The following ADGRG4 variants were observed in gnomAD, a reference collection of about 807,000 sequenced individuals.
The protein encoded by ADGRG4 is adhesion G protein-coupled receptor G4, also known as G protein-coupled receptor 112.
In ADGRG4, 122 loss-of-function variants were observed where a neutral mutation model predicts 126.2. That is an observed-to-expected ratio of 0.97 (90% CI 0.83 to 1.12). ADGRG4 has a LOEUF of 1.12. Among genes scored for constraint, ADGRG4 ranks in the 50% most tolerant of loss-of-function variants. ADGRG4 has a pLI of 0.00. For missense variants in ADGRG4, 2,481 were observed against 2,251.8 expected, an observed-to-expected ratio of 1.10 and a Z score of -2.06; for synonymous variants, 943 against 838.7, an observed-to-expected ratio of 1.12 and a Z score of -2.15.
At chrX:136,355,996 G>A in intron 8 of ADGRG4, 130 bp from the exon 9 acceptor site, 1 of 385,165 alleles carries the variant, frequency 2.6e-6, no homozygotes. Context: ...TGGAGCCCTA[G>A]CATTATTTGA....
intron 20 of ADGRG4, among the ~76,000 whole-genome samples, chrX:136,399,312 A>G (rs1453374303): frequency 8.9e-6 from 1 of 112,716 alleles, no homozygotes; most frequent in Non-Finnish European, 1.9e-5. Context: ...GCAAAATTTA[A>G]ATCAATAAAT....
intron 14 of ADGRG4, 110 bp from the exon 15 acceptor site, chrX:136,372,786 TATAAAG>T: frequency 1.5e-6 from 1 of 683,306 alleles, no homozygotes; most frequent in Non-Finnish European, 2.3e-6. Flanking sequence ...TCCTAAATGA[TATAAAG>T]ATAGTGATTA....
chrX:136,320,288 T>C (rs183976683), intron 4 of ADGRG4, among the ~76,000 whole-genome samples: 1 of 112,453 alleles, frequency 8.9e-6, no homozygotes, highest in African/African-American at 3.2e-5. Context: ...CTAAAATGAA[T>C]TGATAGAAAT....
chrX:136,368,966 A>C (rs1192449829), intron 13 of ADGRG4, among the ~76,000 whole-genome samples: 3 of 112,377 alleles, frequency 2.7e-5, no homozygotes, highest in Non-Finnish European at 5.6e-5. Context: ...TACTGAGCCC[A>C]CACCACTGGG....
At chrX:136,365,516 A>C (rs2075153396) in intron 13 of ADGRG4, among the ~76,000 whole-genome samples, 1 of 112,130 alleles carries the variant, frequency 8.9e-6, no homozygotes, top group Non-Finnish European at 1.9e-5. Flanking sequence ...ATTATTAAAA[A>C]TCTAGCTGTG....
chrX:136,382,075 C>T (rs1348181146), intron 15 of ADGRG4, among the ~76,000 whole-genome samples: 3 of 111,365 alleles, frequency 2.7e-5, no homozygotes, highest in Non-Finnish European at 5.7e-5. Flanking sequence ...TTCTTCAATC[C>T]AATCAAGTTG....
At position 136,349,522 on chromosome X, in the gene ADGRG4, C is replaced by G. The variant is rs1367888559; in HGVS notation, c.5816C>G (p.Ser1939Ter). The stretch of plus-strand genomic sequence containing the variant: ...TCTAAAGATGTCATGGCAATGTCAT[C>G]AATTCCTATGTCAGGAATTCTTCCT... ...LVSKDVMAMS[S>*]IPMSGILPNH... The change falls in exon 6 of 26, where the codon TCA (serine) becomes TGA (stop). Residue 1939 changes from serine (S) to a stop codon, truncating the protein, a stop_gained. Coordinates refer to ENST00000394143, the MANE Select transcript of ADGRG4 (RefSeq NM_153834.4). LOFTEE classifies it high-confidence loss of function. The G allele has an allele frequency of 4.2e-6, 5 of 1,203,710 alleles. No individual in the cohort carries two copies. The Middle Eastern group carries it at 6.9e-4, about 166-fold the overall frequency.
chrX:136,336,501 G>A (rs775606878), intron 5 of ADGRG4, among the ~76,000 whole-genome samples: 103 of 111,270 alleles, frequency 9.3e-4, no homozygotes, highest in Middle Eastern at 4.6e-3. Context: ...CATCAGTTTT[G>A]CTTCATGTAT....
At chrX:136,392,190 T>A (rs1456265469) in intron 16 of ADGRG4, 42 bp from the exon 17 acceptor site, 1 of 1,092,792 alleles carries the variant, frequency 9.2e-7, no homozygotes, top group African/African-American at 1.8e-5. Context: ...TGTAAGTAAT[T>A]AGAAATTTAG....
intron 19 of ADGRG4, among the ~76,000 whole-genome samples, chrX:136,397,266 A>G (rs1396567839): frequency 9.0e-6 from 1 of 111,512 alleles, no homozygotes; most frequent in African/African-American, 3.3e-5. Flanking sequence ...GTTGAGAACT[A>G]CCAAAGTAAA....
At position 136,345,730 on chromosome X, in the gene ADGRG4, C is replaced by T. The variant is rs1409046349; in HGVS notation, c.2024C>T (p.Thr675Ile). The T allele has an allele frequency of 1.7e-6, 2 of 1,209,739 alleles. No homozygotes were observed. Among genetic ancestry groups the T allele is most frequent in the East Asian group, 3.0e-5 (1 of 33,763 alleles). Residue 675 changes from threonine (T) to isoleucine (I), a missense_variant, in exon 6 of 26, where the codon ACA (threonine) becomes ATA (isoleucine). Physicochemically the swap from Thr to Ile is moderately conservative, Grantham distance 89 (BLOSUM62 -1). Transcript: ENST00000394143. ...LASMNTTTIL[T>I]FVPNENFTSA... ...TCTATGAACACAACCACCATACTCA[C>T]ATTTGTGCCTAATGAAAATTTTACA...
At chrX:136,310,486 G>A (rs978799648) in intron 4 of ADGRG4, among the ~76,000 whole-genome samples, 2 of 111,013 alleles carry the variant, frequency 1.8e-5, no homozygotes, top group South Asian at 3.8e-4. Flanking sequence ...TTTGATTGCC[G>A]AGAAATTCAT....
intron 16 of ADGRG4, among the ~76,000 whole-genome samples, chrX:136,391,715 C>T (rs1221336297): frequency 8.9e-6 from 1 of 112,414 alleles, no homozygotes; most frequent in Non-Finnish European, 1.9e-5. Context: ...TCACAGTCCC[C>T]TAAGAAGGCG....
chrX:136,385,956 C>G (rs771577756), intron 15 of ADGRG4, among the ~76,000 whole-genome samples: 6 of 111,733 alleles, frequency 5.4e-5, no homozygotes, highest in African/African-American at 2.0e-4. Flanking sequence ...CCCATCACCT[C>G]CCAGTGGCTA....
At chrX:136,413,423 AT>A (rs775686947) in intron 24 of ADGRG4, among the ~76,000 whole-genome samples, 205 of 110,777 alleles carry the variant, frequency 1.9e-3, no homozygotes, top group African/African-American at 6.4e-3. Flanking sequence ...TGAACTCATC[AT>A]TTTTTATGGC....
At position 136,348,205 on chromosome X, in the gene ADGRG4, G is replaced by T; in HGVS notation, c.4499G>T (p.Arg1500Ile). 8.3e-7 allele frequency: 1 copy of T among 1,209,069 alleles called. No individual in the cohort carries two copies. Among genetic ancestry groups the T allele is most frequent in the Non-Finnish European group, 1.1e-6 (1 of 893,382 alleles). ...CCAAATGTACCTACAATGCTTCCTA[G>T]AGAATCCTCTATGGCAACGTCCACT... Reference protein sequence around the residue: ...SVPNVPTMLPRESSMATSTPI... With the variant: ...SVPNVPTMLPIESSMATSTPI... The change falls in exon 6 of 26, where the codon AGA becomes ATA. Residue 1500 changes from arginine to isoleucine, a missense_variant. By Grantham distance (97) the Arg-to-Ile change is moderately conservative. Coordinates refer to ENST00000394143, the MANE Select transcript of ADGRG4 (RefSeq NM_153834.4).
At chrX:136,408,935 T>C (rs1427283975) in intron 23 of ADGRG4, among the ~76,000 whole-genome samples, 2 of 110,658 alleles carry the variant, frequency 1.8e-5, no homozygotes, top group Non-Finnish European at 3.8e-5. Flanking sequence ...CTGTCAGATA[T>C]GCCTTATGCC....
chrX:136,393,636 A>G, intron 18 of ADGRG4, 56 bp downstream of exon 18: 2 of 900,593 alleles, frequency 2.2e-6, no homozygotes. Context: ...CCCACTTGGC[A>G]GTTAAATGGG....
chrX:136,412,389 G>T (rs1183065868), intron 24 of ADGRG4, 23 bp downstream of exon 24: 3 of 951,576 alleles, frequency 3.2e-6, no homozygotes, highest in Non-Finnish European at 4.5e-6. Context: ...TTTGGATGAA[G>T]TTTTGAATAT....
Sources: gnomAD v4.1 joint callset for allele counts (sites outside exome capture counted in the v4.1 genomes callset) on GRCh38, gnomAD v4.1.1 for gene constraint, MANE v1.5 for transcripts, NCBI Gene and HGNC (gene_info 2026-07-23, HGNC 2026-07-21) for gene names.